The following EPS15 variants were observed in gnomAD, a reference collection of about 807,000 sequenced individuals.
The protein encoded by EPS15 is epidermal growth factor receptor pathway substrate 15, also known as epidermal growth factor receptor substrate 15.
In EPS15, 72 loss-of-function variants were observed where a neutral mutation model predicts 113.8. The ratio of observed to expected loss-of-function variants is 0.63; its 90% CI spans 0.52 to 0.77. EPS15 has a LOEUF of 0.77. Ranked by LOEUF, EPS15 falls within the 30% of genes least tolerant of loss-of-function variation. EPS15 has a pLI of 0.00. For missense variants in EPS15, 1,048 were observed against 1,045.8 expected (o/e 1.00, Z -0.03); for synonymous variants, 344 against 363.4 (o/e 0.95, Z 0.61).
chr1:51,494,580 C>T (rs117191432), intron 1 of EPS15, among the ~76,000 whole-genome samples: 1 of 152,316 alleles, frequency 6.6e-6, no homozygotes, highest in East Asian at 1.9e-4. Flanking sequence ...ATTATAAATT[C>T]ATGATCACTG....
intron 21 of EPS15, chr1:51,372,291 G>A: frequency 2.0e-6 from 1 of 507,544 alleles, no homozygotes; most frequent in South Asian, 1.5e-5. Flanking sequence ...GCAGAAGGCA[G>A]TGGTCCACCT....
rs1423630928 is a variant in EPS15, at chr1:51,440,353, A to G, written c.1034T>C (p.Leu345Pro). ...LDTLNNEIVD[L>P]QREKNNVEQD... Reference sequence around the variant, plus strand: ...GTAATTTTGCTTTACATACCTCTGTAGGTCAACTATTTCATTGTTAAGAGT... The same window carrying G: ...GTAATTTTGCTTTACATACCTCTGTGGGTCAACTATTTCATTGTTAAGAGT... Residue 345 changes from leucine to proline, a missense_variant, in exon 12 of 25, where the codon CTA (leucine) becomes CCA (proline). By Grantham distance (98) the Leu-to-Pro change is moderately conservative. Transcript: ENST00000371733. 6.5e-7 allele frequency: 1 copy of G among 1,538,554 alleles called. No individual in the cohort carries two copies. Among genetic ancestry groups the G allele is most frequent in the Non-Finnish European group, 8.9e-7 (1 of 1,121,704 alleles).
intron 17 of EPS15, among the ~76,000 whole-genome samples, chr1:51,403,031 G>A (rs936133949): frequency 6.6e-6 from 1 of 152,052 alleles, no homozygotes; most frequent in African/African-American, 2.4e-5. Flanking sequence ...CTAAAATAGT[G>A]TATAATTCAT....
chr1:51,434,693 C>T (rs534197005), intron 12 of EPS15, among the ~76,000 whole-genome samples: 7 of 152,104 alleles, frequency 4.6e-5, no homozygotes, highest in East Asian at 3.9e-4. Context: ...TTTTTTGAGA[C>T]GGAGTCTCGC....
intron 24 of EPS15, among the ~76,000 whole-genome samples, chr1:51,357,428 T>TATATATA (rs1557761744): frequency 2.0e-4 from 13 of 65,652 alleles, no homozygotes; most frequent in Non-Finnish European, 2.6e-4. Flanking sequence ...ATATATATAT[T>TATATATA]TTTTTTTTTT....
chr1:51,503,467 A>G (rs1465709890), intron 1 of EPS15, among the ~76,000 whole-genome samples: 1 of 151,960 alleles, frequency 6.6e-6, no homozygotes, highest in Non-Finnish European at 1.5e-5. Context: ...CTACTCTACT[A>G]AACATCTCTA....
At chr1:51,477,803 A>G (rs935596591) in intron 2 of EPS15, among the ~76,000 whole-genome samples, 1 of 152,114 alleles carries the variant, frequency 6.6e-6, no homozygotes, top group African/African-American at 2.4e-5. Flanking sequence ...GTTTGATTGC[A>G]CTGTGGTCTG....
chr1:51,367,986 G>C (rs1234215712), intron 21 of EPS15, among the ~76,000 whole-genome samples: 1 of 152,090 alleles, frequency 6.6e-6, no homozygotes, highest in East Asian at 1.9e-4. Flanking sequence ...ACAAAAATTA[G>C]ACGGGCATGG....
In EPS15 at chr1:51,365,946, A is replaced by C. The variant is rs528696562; in HGVS notation, c.2196+7T>G. 5 of 1,586,750 alleles carry C rather than the reference A, an allele frequency of 3.2e-6. No homozygotes were observed. In the African/African-American group the frequency reaches 5.4e-5, roughly 17 times the overall value. On this transcript the variant is annotated splice_region_variant and intron_variant, in intron 22 of 24. Transcript: ENST00000371733. ...GTTTTCCCTTCCCATTAATTACTGT[A>C]GATTACCTTTGACAATGTGCTGAAG...
At chr1:51,419,614 T>C (rs555588026) in intron 13 of EPS15, among the ~76,000 whole-genome samples, 2 of 152,254 alleles carry the variant, frequency 1.3e-5, no homozygotes, top group African/African-American at 2.4e-5. Flanking sequence ...CATTAGAAAG[T>C]AGATCAGAAA....
intron 1 of EPS15, among the ~76,000 whole-genome samples, chr1:51,497,095 ATAT>A (rs1644337320): frequency 1.3e-5 from 2 of 152,256 alleles, no homozygotes; most frequent in Admixed American, 1.3e-4. Flanking sequence ...TACATATAGA[ATAT>A]TTTTTAGAAG....
At chr1:51,402,641 T>C in intron 17 of EPS15, 116 bp from the exon 18 acceptor site, 1 of 558,578 alleles carries the variant, frequency 1.8e-6, no homozygotes. Flanking sequence ...AATCAACTGA[T>C]GGGCCAGGCA....
At chr1:51,450,853 T>TA (rs1256577150) in intron 8 of EPS15, among the ~76,000 whole-genome samples, 1 of 151,838 alleles carries the variant, frequency 6.6e-6, no homozygotes, top group Admixed American at 6.6e-5. Context: ...GAAGTTAAGG[T>TA]AAAAAAATTA....
chr1:51,380,962 TA>T (rs1444973472), intron 21 of EPS15, among the ~76,000 whole-genome samples: 12 of 152,166 alleles, frequency 7.9e-5, no homozygotes, highest in African/African-American at 2.9e-4. Context: ...ATACAATAAA[TA>T]AAGGGTCAAT....
chr1:51,435,675 G>A (rs1055372121), intron 12 of EPS15, among the ~76,000 whole-genome samples: 1 of 152,142 alleles, frequency 6.6e-6, no homozygotes, highest in East Asian at 1.9e-4. Context: ...ATTCCTCGGT[G>A]TTAAGTAATG....
At chr1:51,487,746 T>C (rs909513060) in intron 1 of EPS15, among the ~76,000 whole-genome samples, 1 of 152,210 alleles carries the variant, frequency 6.6e-6, no homozygotes, top group Non-Finnish European at 1.5e-5. Context: ...GGAGAAGATA[T>C]TAGCTCACCA....
chr1:51,496,688 G>A (rs181926541), intron 1 of EPS15, among the ~76,000 whole-genome samples: 1 of 152,216 alleles, frequency 6.6e-6, no homozygotes, highest in East Asian at 1.9e-4. Flanking sequence ...GATCTCTTCA[G>A]TATAAAGAAA....
chr1:51,444,501 T>A (rs1652850489), intron 11 of EPS15, among the ~76,000 whole-genome samples: 1 of 152,202 alleles, frequency 6.6e-6, no homozygotes, highest in Non-Finnish European at 1.5e-5. Flanking sequence ...TATGCAAGAT[T>A]CTGTTTTCAA....
In EPS15 at chr1:51,468,559, C is replaced by A; in HGVS notation, c.223G>T (p.Val75Phe). The A allele has an allele frequency of 6.2e-7, 1 of 1,611,550 alleles. No individual in the cohort carries two copies. Among genetic ancestry groups the A allele is most frequent in the South Asian group, 1.1e-5 (1 of 90,720 alleles). ...KGILNKQEFFVALRLVACAQN... is the reference protein window; with the variant it reads ...KGILNKQEFFFALRLVACAQN... ...GCACATGCCACAAGACGCAAAGCAA[C>A]AAAGAATTCCTAAGAAAGAAAAGTA... is the stretch of plus-strand genomic sequence containing the variant. Residue 75 changes from valine (V) to phenylalanine (F), a missense_variant, in exon 5 of 25, where the codon GTT becomes TTT. By Grantham distance (50) the Val-to-Phe change is conservative. Coordinates refer to ENST00000371733, the MANE Select transcript of EPS15 (RefSeq NM_001981.3).
Sources: gnomAD v4.1 joint callset for allele counts (sites outside exome capture counted in the v4.1 genomes callset) on GRCh38, gnomAD v4.1.1 for gene constraint, MANE v1.5 for transcripts, NCBI Gene and HGNC (gene_info 2026-07-23, HGNC 2026-07-21) for gene names.